Variants in RASSF4 observed in about 807,000 individuals in gnomAD.
The protein encoded by RASSF4 is Ras association domain family member 4, also known as ras association domain-containing protein 4.
In RASSF4, 38 loss-of-function variants were observed where a neutral mutation model predicts 41.1. That is an observed-to-expected ratio of 0.92 (90% confidence interval 0.71 to 1.21). RASSF4 has a LOEUF of 1.21. RASSF4 is among the 50% of genes most tolerant of loss of function. The pLI, the probability that RASSF4 is intolerant of heterozygous loss-of-function variation, is 0.00. For missense variants in RASSF4, 414 were observed against 419.4 expected, an observed-to-expected ratio of 0.99 and a Z score of 0.11; for synonymous variants, 179 against 163.4, an observed-to-expected ratio of 1.10 and a Z score of -0.73.
rs1299073755 is a variant in RASSF4, at chr10:44,982,625, C to T, written c.243C>T (p.Pro81=). The change falls in exon 4 of 11, where the codon CCC becomes CCT. Residue 81 remains proline (P), a synonymous_variant. Transcript: ENST00000340258. ...ATGACCGGGAGCAGGTGCACCTCCCCTCCACCTCATGGATGCCCAGACGGC... is the reference window on the plus strand; with the variant it reads ...ATGACCGGGAGCAGGTGCACCTCCCTTCCACCTCATGGATGCCCAGACGGC... ...MQDDREQVHL[P]STSWMPRRPS... 1 of 1,613,484 alleles carries T rather than the reference C, an allele frequency of 6.2e-7. No individual in the cohort carries two copies. Among genetic ancestry groups the T allele is most frequent in the South Asian group, 1.1e-5 (1 of 91,040 alleles).
Position 44,982,616 on chromosome 10 carries a change from G to A in RASSF4, c.234G>A (p.Val78=), listed in dbSNP as rs200440565. 10 of 1,613,232 alleles carry A rather than the reference G, an allele frequency of 6.2e-6. No homozygotes were observed. In the East Asian group the frequency reaches 2.2e-4, roughly 36 times the overall value. ...RLQMQDDREQ[V]HLPSTSWMPR... is the part of the protein sequence containing the mutation. ...AGATGCAGGATGACCGGGAGCAGGTGCACCTCCCCTCCACCTCATGGATGC... is the reference window on the plus strand; with the variant it reads ...AGATGCAGGATGACCGGGAGCAGGTACACCTCCCCTCCACCTCATGGATGC... The change falls in exon 4 of 11, where the codon GTG becomes GTA. Residue 78 remains valine, a synonymous_variant. Transcript: ENST00000340258.
At chr10:44,975,455 C>G (rs1339495100) in intron 3 of RASSF4, among the ~76,000 whole-genome samples, 23 of 124,494 alleles carry the variant, frequency 1.8e-4, no homozygotes, top group African/African-American at 5.6e-4. Flanking sequence ...CCCCACTCCC[C>G]TCTCCACCTC....
At chr10:44,962,138 C>G (rs1190756182) in intron 1 of RASSF4, among the ~76,000 whole-genome samples, 2 of 152,200 alleles carry the variant, frequency 1.3e-5, no homozygotes, top group African/African-American at 4.8e-5. Flanking sequence ...GCCACAACAG[C>G]TCTGGCTAAA....
At chr10:44,974,741 C>G (rs1373434347) in intron 3 of RASSF4, among the ~76,000 whole-genome samples, 1 of 152,198 alleles carries the variant, frequency 6.6e-6, no homozygotes, top group African/African-American at 2.4e-5. Context: ...GGGCCACGCT[C>G]TGGGGCCAGC....
chr10:44,977,643 C>G, intron 3 of RASSF4: 1 of 1,613,032 alleles, frequency 6.2e-7, no homozygotes, highest in Non-Finnish European at 8.5e-7. Context: ...CAGAGGCCAG[C>G]AGAGGGGCCA....
At chr10:44,977,226 A>G in intron 3 of RASSF4, 1 of 805,210 alleles carries the variant, frequency 1.2e-6, no homozygotes, top group Non-Finnish European at 1.9e-6. Flanking sequence ...ACAGGCTGTT[A>G]TCATATTCAG....
intron 1 of RASSF4, among the ~76,000 whole-genome samples, chr10:44,962,085 T>C (rs1840730477): frequency 1.3e-5 from 2 of 152,204 alleles, no homozygotes; most frequent in African/African-American, 2.4e-5. Flanking sequence ...TTGAGCCCCA[T>C]AGCTGCAGTG....
At position 44,977,642 on chromosome 10, in the gene RASSF4, G is replaced by C. The variant is rs756963477; in HGVS notation, c.139-4879G>C. On this transcript the variant is annotated intron_variant, in intron 3 of 10. Coordinates refer to ENST00000340258, the MANE Select transcript of RASSF4 (RefSeq NM_032023.4). ...CTGTCTATGTGGACCCCAGAGGCCA[G>C]CAGAGGGGCCAGTCCTCCTTGGCAG... 10 of 1,612,854 alleles carry C rather than the reference G, an allele frequency of 6.2e-6. No homozygotes were observed. The African/African-American group carries it at 1.3e-4, about 22-fold the overall frequency.
chr10:44,977,853 G>A, intron 3 of RASSF4: 2 of 1,609,848 alleles, frequency 1.2e-6, no homozygotes, highest in Non-Finnish European at 1.7e-6. Flanking sequence ...GGTTGGCCCT[G>A]GGCCGTGGCC....
rs773503707 is a variant in RASSF4 at position 44,978,001 on chromosome 10, G to A, written c.139-4520G>A. ...TGGTCTCCCGAATTGTGGGCAGATG[G>A]GCCACGGAGAGCAGAAGCCGGGACC... On this transcript the variant is annotated intron_variant, in intron 3 of 10. Transcript: ENST00000340258. The A allele has an allele frequency of 2.5e-5, 40 of 1,611,060 alleles. No individual in the cohort carries two copies. The South Asian group carries it at 4.4e-4, about 18-fold the overall frequency.
chr10:44,982,373 T>G (rs763719087), intron 3 of RASSF4, 148 bp from the exon 4 acceptor site: 2 of 946,608 alleles, frequency 2.1e-6, no homozygotes, highest in Non-Finnish European at 3.3e-6. Flanking sequence ...CCAGGGCACG[T>G]AGTGGCTGAT....
At chr10:44,977,591 G>C (rs763944336) in intron 3 of RASSF4, 2 of 1,613,314 alleles carry the variant, frequency 1.2e-6, no homozygotes, top group Admixed American at 3.3e-5. Context: ...CCCTCTGGGG[G>C]CCCCCATGGG....
chr10:44,987,832 G>T (rs1453952411), intron 6 of RASSF4, among the ~76,000 whole-genome samples: 1 of 152,106 alleles, frequency 6.6e-6, no homozygotes, highest in Admixed American at 6.6e-5. Flanking sequence ...AGAAACTACA[G>T]TATAGTATAA....
At chr10:44,983,685 T>C in intron 4 of RASSF4, 1 of 274,910 alleles carries the variant, frequency 3.6e-6, no homozygotes, top group Admixed American at 5.0e-5. Context: ...AGCGAGCCTG[T>C]TTGGCACACA....
rs536135649 is a variant in RASSF4 at position 44,963,586 on chromosome 10, T to C, written c.-39+3720T>C. Reference sequence around the variant, plus strand: ...GTCAGCGTGGCCTGCACCTGCTCTGTGGCCTGCACTTGCTGTCCTCCACCA... The same window carrying C: ...GTCAGCGTGGCCTGCACCTGCTCTGCGGCCTGCACTTGCTGTCCTCCACCA... On this transcript the variant is annotated intron_variant, in intron 1 of 10. Coordinates refer to ENST00000340258, the MANE Select transcript of RASSF4 (RefSeq NM_032023.4). 9.8e-5 allele frequency among the ~76,000 whole-genome samples: 15 copies of C among 152,348 alleles called. No individual in the cohort carries two copies. The East Asian group carries it at 2.9e-3, about 29-fold the overall frequency.
intron 6 of RASSF4, 92 bp downstream of exon 6, chr10:44,985,062 TGGCATTCCTGTGCC>T: frequency 7.1e-7 from 1 of 1,407,802 alleles, no homozygotes; most frequent in Non-Finnish European, 9.7e-7. Context: ...TGGGGGCTGC[TGGCATTCCTGTGCC>T]CTCAGGAGGA....
At chr10:44,966,864 G>C (rs1840922557) in intron 1 of RASSF4, among the ~76,000 whole-genome samples, 1 of 152,088 alleles carries the variant, frequency 6.6e-6, no homozygotes, top group Admixed American at 6.5e-5. Context: ...TATTTTAACA[G>C]TTTCCTTTTG....
chr10:44,992,130 G>A, intron 10 of RASSF4, 128 bp downstream of exon 10: 2 of 620,548 alleles, frequency 3.2e-6, no homozygotes, highest in Non-Finnish European at 5.7e-6. Context: ...GGGAAGGCCT[G>A]CTAACCCTAG....
At chr10:44,969,062 G>C (rs144720708) in intron 1 of RASSF4, among the ~76,000 whole-genome samples, 2 of 151,580 alleles carry the variant, frequency 1.3e-5, no homozygotes, top group Non-Finnish European at 2.9e-5. Context: ...TGTGTGTTGA[G>C]TGTGAATGTA....
Sources: gnomAD v4.1 joint callset for allele counts (sites outside exome capture counted in the v4.1 genomes callset) on GRCh38, gnomAD v4.1.1 for gene constraint, MANE v1.5 for transcripts, NCBI Gene and HGNC (gene_info 2026-07-23, HGNC 2026-07-21) for gene names.